WLS: variants seen among roughly 807,000 people sequenced by gnomAD.
The protein encoded by WLS is Wnt ligand secretion mediator, also known as protein wntless homolog.
In WLS, 23 loss-of-function variants were observed where a neutral mutation model predicts 62.8. The ratio of observed to expected loss-of-function variants is 0.37; its 90% CI spans 0.26 to 0.52. The LOEUF is 0.52. Ranked by LOEUF, WLS falls within the 20% of genes least tolerant of loss-of-function variation. The pLI, the probability that WLS is intolerant of heterozygous loss-of-function variation, is 0.92. For synonymous variants in WLS, 246 were observed against 244.1 expected (o/e 1.01, Z -0.07); for missense variants, 615 against 697.3 (o/e 0.88, Z 1.33).
chr1:68,113,105 TTCTC>T (rs1646249083), intron 11 of WLS, among the ~76,000 whole-genome samples: 1 of 152,202 alleles, frequency 6.6e-6, no homozygotes. Context: ...ACAGGAAGCC[TTCTC>T]TCTCCATCTG....
At chr1:68,197,796 A>C (rs1292788706) in intron 1 of WLS, among the ~76,000 whole-genome samples, 1 of 152,172 alleles carries the variant, frequency 6.6e-6, no homozygotes, top group East Asian at 1.9e-4. Flanking sequence ...GTCTAGAATC[A>C]AAAAAAGTTT....
intron 2 of WLS, among the ~76,000 whole-genome samples, chr1:68,173,411 C>CCT (rs3053543): frequency 0.29 from 43,291 of 149,848 alleles, 6,439 homozygotes; most frequent in Middle Eastern, 0.4. Flanking sequence ...CCTGCGTGCC[C>CCT]CTCTCTCTCT....
intron 11 of WLS, among the ~76,000 whole-genome samples, chr1:68,107,096 G>A (rs891587462): frequency 6.6e-6 from 1 of 152,054 alleles, no homozygotes. Flanking sequence ...TGTTGGTATC[G>A]ATTAATGTGT....
rs575822308 is a variant in WLS, at chr1:68,189,484, A to T, written c.379+4471T>A. On this transcript the variant is annotated intron_variant, in intron 2 of 11. Coordinates refer to ENST00000262348, the MANE Select transcript of WLS (RefSeq NM_024911.7). ...AATTTAAACTTTATTCTAAGTATGT[A>T]TATATGTATAGGAAGACACATCATG... is the stretch of plus-strand genomic sequence containing the variant. 1.3e-5 allele frequency among the ~76,000 whole-genome samples: 2 copies of T among 152,286 alleles called. 1 individual carries two copies. Among genetic ancestry groups the T allele is most frequent in the African/African-American group, 4.8e-5 (2 of 41,554 alleles).
chr1:68,176,000 T>A (rs1381018500), intron 2 of WLS, among the ~76,000 whole-genome samples: 2 of 152,204 alleles, frequency 1.3e-5, no homozygotes, highest in Non-Finnish European at 2.9e-5. Context: ...AAGGAAAAAG[T>A]AGGCTAGAAC....
intron 1 of WLS, among the ~76,000 whole-genome samples, chr1:68,212,920 T>C (rs1649572431): frequency 6.6e-6 from 1 of 152,188 alleles, no homozygotes; most frequent in African/African-American, 2.4e-5. Context: ...GATTATCATC[T>C]CTCGTGCCTC....
chr1:68,162,800 G>A (rs1217623277), intron 2 of WLS: 5 of 1,158,144 alleles, frequency 4.3e-6, no homozygotes, highest in Non-Finnish European at 6.5e-6. Flanking sequence ...ATCACTCTCG[G>A]GGCCTTAAAC....
chr1:68,152,681 G>A (rs1209385326), intron 5 of WLS, among the ~76,000 whole-genome samples: 1 of 152,332 alleles, frequency 6.6e-6, no homozygotes, highest in East Asian at 1.9e-4. Context: ...GAAGACATAT[G>A]CACAAGGTTT....
downstream of WLS, chr1:68,125,292 A>C (rs1219666230): frequency 1.0e-6 from 1 of 977,614 alleles, no homozygotes; most frequent in African/African-American, 1.8e-5. Flanking sequence ...AGTTTTTCAG[A>C]AACCTATTTC....
intron 11 of WLS, among the ~76,000 whole-genome samples, chr1:68,114,639 G>T (rs1051608669): frequency 6.6e-6 from 1 of 152,186 alleles, no homozygotes; most frequent in South Asian, 2.1e-4. Context: ...GCATCTGACT[G>T]GTGCAGACTA....
chr1:68,199,160 G>A (rs1193686146), intron 1 of WLS, among the ~76,000 whole-genome samples: 1 of 152,128 alleles, frequency 6.6e-6, no homozygotes, highest in African/African-American at 2.4e-5. Flanking sequence ...AGCCAACATA[G>A]ACTATTTATT....
chr1:68,166,379 C>A (rs984385763), intron 2 of WLS, among the ~76,000 whole-genome samples: 3 of 152,222 alleles, frequency 2.0e-5, no homozygotes, highest in African/African-American at 7.2e-5. Context: ...CAACAGCTCT[C>A]CTTCATCAGA....
At chr1:68,145,384 A>G (rs768239712) in intron 9 of WLS, among the ~76,000 whole-genome samples, 1 of 152,196 alleles carries the variant, frequency 6.6e-6, no homozygotes, top group African/African-American at 2.4e-5. Flanking sequence ...AACATAATCT[A>G]TAAACAGAGA....
chr1:68,111,425 C>A (rs186736242), intron 11 of WLS, among the ~76,000 whole-genome samples: 2 of 152,172 alleles, frequency 1.3e-5, no homozygotes, highest in Non-Finnish European at 2.9e-5. Flanking sequence ...GCCAAATCAC[C>A]GGGCCTGCTG....
At chr1:68,186,802 T>C (rs1045288198) in intron 2 of WLS, among the ~76,000 whole-genome samples, 4 of 151,956 alleles carry the variant, frequency 2.6e-5, no homozygotes, top group African/African-American at 9.7e-5. Context: ...ATATATAACA[T>C]AATATATATA....
chr1:68,198,048 T>A (rs1648773834), intron 1 of WLS, among the ~76,000 whole-genome samples: 1 of 152,016 alleles, frequency 6.6e-6, no homozygotes. Flanking sequence ...AAATAACCAC[T>A]CCCCAGTATT....
At chr1:68,163,019 C>T in intron 2 of WLS, 1 of 1,594,580 alleles carries the variant, frequency 6.3e-7, no homozygotes. Context: ...CGTTCATGAT[C>T]TGGGGGCGGA....
intron 1 of WLS, among the ~76,000 whole-genome samples, chr1:68,224,249 T>C (rs766330365): frequency 3.3e-5 from 5 of 152,180 alleles, no homozygotes; most frequent in Non-Finnish European, 7.3e-5. Flanking sequence ...AGGATTTAAA[T>C]AGGCATAGCA....
intron 11 of WLS, among the ~76,000 whole-genome samples, chr1:68,119,682 C>T (rs987281494): frequency 1.3e-5 from 2 of 152,234 alleles, no homozygotes; most frequent in African/African-American, 4.8e-5. Context: ...TTCTCCATGC[C>T]ACCTCAGTGC....
Sources: allele counts gnomAD v4.1 joint callset (sites outside exome capture counted in the v4.1 genomes callset), GRCh38; gene constraint gnomAD v4.1.1; transcripts MANE v1.5; gene names NCBI Gene and HGNC (gene_info 2026-07-23, HGNC 2026-07-21).